The following MPP3 variants were observed in gnomAD, a reference collection of about 807,000 sequenced individuals.
MPP3 encodes MAGUK p55 scaffold protein 3, also known as MAGUK p55 subfamily member 3.
A neutral mutation model predicts 80.7 loss-of-function variants in MPP3; 48 were observed. The observed-to-expected ratio is 0.59, with a 90% CI of 0.47 to 0.76. The LOEUF (loss-of-function observed/expected upper bound fraction) is 0.76. Among genes scored for constraint, MPP3 ranks in the 30% least tolerant of loss-of-function variants. The pLI is 0.00. For synonymous variants in MPP3, 311 were observed against 297.6 expected, an observed-to-expected ratio of 1.04 and a Z score of -0.46; for missense variants, 620 against 763.0, an observed-to-expected ratio of 0.81 and a Z score of 2.21.
intron 19 of MPP3, among the ~76,000 whole-genome samples, chr17:43,804,692 G>T (rs2044543037): frequency 6.6e-6 from 1 of 152,270 alleles, no homozygotes; most frequent in African/African-American, 2.4e-5. Flanking sequence ...AGATACATTG[G>T]ACTTTATCAC....
chr17:43,818,153 A>G (rs1162082422), intron 11 of MPP3, 43 bp from the exon 12 acceptor site: 2 of 1,433,380 alleles, frequency 1.4e-6, no homozygotes, highest in Non-Finnish European at 1.8e-6. Flanking sequence ...GAGCTGGGCC[A>G]GATAACCACT....
In MPP3 at chr17:43,811,164, C is replaced by G; in HGVS notation, c.1297G>C (p.Glu433Gln). The G allele has an allele frequency of 6.2e-7, 1 of 1,614,158 alleles. No homozygotes were observed. The highest frequency in any genetic ancestry group is 8.5e-7 in the Non-Finnish European group (1 of 1,180,004). The change falls in exon 17 of 20, where the codon GAA (glutamate) becomes CAA (glutamine). Residue 433 changes from glutamate (E) to glutamine (Q), a missense_variant. By Grantham distance (29) the Glu-to-Gln change is conservative (BLOSUM62 2). Coordinates refer to ENST00000398389, the MANE Select transcript of MPP3 (RefSeq NM_001932.6). ...GCTTGCTTAGACACAAAGTGATATTCCACTCCTTCCTTCTCATGGCTCTTT... is the reference window on the plus strand; with the variant it reads ...GCTTGCTTAGACACAAAGTGATATTGCACTCCTTCCTTCTCATGGCTCTTT... Reference protein sequence around the residue: ...PRKSHEKEGVEYHFVSKQAFE... With the variant: ...PRKSHEKEGVQYHFVSKQAFE...
intron 19 of MPP3, among the ~76,000 whole-genome samples, chr17:43,806,014 C>A (rs1176253044): frequency 6.6e-6 from 1 of 152,126 alleles, no homozygotes; most frequent in Non-Finnish European, 1.5e-5. Context: ...TAGTCATGAG[C>A]CCACTATTCA....
intron 7 of MPP3, among the ~76,000 whole-genome samples, chr17:43,829,277 C>T (rs1405843267): frequency 6.6e-6 from 1 of 152,204 alleles, no homozygotes; most frequent in Non-Finnish European, 1.5e-5. Context: ...ACTATAAAGG[C>T]AGCCACAGCC....
chr17:43,819,842 TA>T (rs1251052939), intron 11 of MPP3, among the ~76,000 whole-genome samples: 1 of 151,978 alleles, frequency 6.6e-6, no homozygotes, highest in African/African-American at 2.4e-5. Context: ...AACACTCACA[TA>T]AAAAGCACAG....
Position 43,820,883 on chromosome 17 carries a change from G to A in MPP3, c.860C>T (p.Pro287Leu). Residue 287 changes from proline (P) to leucine (L), a missense_variant, in exon 11 of 20, where the codon CCC (proline) becomes CTC (leucine). By Grantham distance (98) the Pro-to-Leu change is moderately conservative. Transcript: ENST00000398389. ...CCACCTCTCCTGGAACCCCTTGGAG[G>A]GGATGAGGCCGGCTCGAAGGTTGGT... ...GDTNLRAGLI[P>L]SKGFQERRLS... 1 of 1,614,198 alleles carries A rather than the reference G, an allele frequency of 6.2e-7. No homozygotes were observed. Among genetic ancestry groups the A allele is most frequent in the South Asian group, 1.1e-5 (1 of 91,086 alleles).
chr17:43,807,311 T>C lies in MPP3; in HGVS notation c.1581+1645A>G, dbSNP rs188891759. On this transcript the variant is annotated intron_variant, in intron 19 of 19. Transcript: ENST00000398389. ...TCTAAAGGAGAAAATTTTTCTTTTTTCTACATTTTTTTTTTTTTGAGACAG... is the reference window on the plus strand; with the variant it reads ...TCTAAAGGAGAAAATTTTTCTTTTTCCTACATTTTTTTTTTTTTGAGACAG... 3.4e-3 allele frequency among the ~76,000 whole-genome samples: 510 copies of C among 150,900 alleles called. 1 individual carries two copies. Among genetic ancestry groups the C allele is most frequent in the Middle Eastern group, 0.014 (4 of 288 alleles).
chr17:43,805,412 T>G (rs79335334), intron 19 of MPP3, among the ~76,000 whole-genome samples: 1 of 152,128 alleles, frequency 6.6e-6, no homozygotes, highest in Non-Finnish European at 1.5e-5. Flanking sequence ...GAGTTAAACA[T>G]AGAACTACCC....
chr17:43,801,513 A>T lies in MPP3; in HGVS notation c.*188T>A, dbSNP rs1363556121. ...GCCCCTTTCAAATCATGATCCAAAG[A>T]GGTGCAGTGAAAAACAACAGACAAA... On this transcript the variant is annotated 3_prime_UTR_variant, in exon 20 of 20. Coordinates refer to ENST00000398389, the MANE Select transcript of MPP3 (RefSeq NM_001932.6). The T allele has an allele frequency of 1.2e-5, 7 of 563,684 alleles. No individual in the cohort carries two copies. In the Admixed American group the frequency reaches 2.5e-4, roughly 20 times the overall value. 34.9% of individuals were successfully genotyped at this position (563,684 alleles called of 1,614,324 possible). A position where few individuals can be genotyped will look rare whatever the true frequency, so the allele number is the denominator to read the frequency against.
chr17:43,807,870 A>G (rs1038848111), intron 19 of MPP3, among the ~76,000 whole-genome samples: 1 of 151,992 alleles, frequency 6.6e-6, no homozygotes, highest in African/African-American at 2.4e-5. Flanking sequence ...TGAGGAAGGA[A>G]GACTGCTTGA....
In MPP3 at chr17:43,818,069, G is replaced by A; in HGVS notation, c.923C>T (p.Pro308Leu). 1 of 1,577,050 alleles carries A rather than the reference G, an allele frequency of 6.3e-7. No individual in the cohort carries two copies. Among genetic ancestry groups the A allele is most frequent in the Non-Finnish European group, 8.6e-7 (1 of 1,160,788 alleles). The change falls in exon 12 of 20, where the codon CCC (proline) becomes CTC (leucine). Residue 308 changes from proline to leucine, a missense_variant. Transcript: ENST00000398389. Reference protein sequence around the residue: ...YRRAAGTLPSPQSLRKPPYDQ... With the variant: ...YRRAAGTLPSLQSLRKPPYDQ... ...ACAGGGGGGCTTCCTGAGGCTCTGG[G>A]GGCTCGGCAGGGTGCCCGCGGCTCT... is the stretch of plus-strand genomic sequence containing the variant.
At chr17:43,809,232 C>A (rs1423491564) in intron 18 of MPP3, among the ~76,000 whole-genome samples, 154 bp from the exon 19 acceptor site, 1 of 152,218 alleles carries the variant, frequency 6.6e-6, no homozygotes, top group African/African-American at 2.4e-5. Context: ...TTCAACTGGG[C>A]AGACCAACTG....
At chr17:43,816,011 A>T in intron 14 of MPP3, 27 bp downstream of exon 14, 4 of 1,481,730 alleles carry the variant, frequency 2.7e-6, no homozygotes, top group African/African-American at 1.4e-5. Flanking sequence ...CAGGTCGTGC[A>T]TGTGGGTGTC....
intron 11 of MPP3, 143 bp from the exon 12 acceptor site, chr17:43,818,253 CACT>C: frequency 1.7e-6 from 1 of 579,488 alleles, no homozygotes; most frequent in East Asian, 3.4e-5. Flanking sequence ...TCCTGCTTAG[CACT>C]AAGTTCCAAC....
At chr17:43,807,813 G>A (rs1174021911) in intron 19 of MPP3, among the ~76,000 whole-genome samples, 1 of 151,590 alleles carries the variant, frequency 6.6e-6, no homozygotes, top group Non-Finnish European at 1.5e-5. Flanking sequence ...TTTTTAATTG[G>A]CTGGGCATTG....
At chr17:43,825,578 C>G in intron 9 of MPP3, 178 bp downstream of exon 9, 1 of 567,462 alleles carries the variant, frequency 1.8e-6, no homozygotes, top group Non-Finnish European at 3.2e-6. Flanking sequence ...AGTTCCCCTC[C>G]TCCTGCTGCC....
At chr17:43,817,557 C>A (rs2045207061) in intron 12 of MPP3, among the ~76,000 whole-genome samples, 1 of 152,188 alleles carries the variant, frequency 6.6e-6, no homozygotes. Flanking sequence ...CATACTTATA[C>A]TAGAAACCAA....
At chr17:43,814,565 G>T in intron 14 of MPP3, 1 of 485,226 alleles carries the variant, frequency 2.1e-6, no homozygotes, top group Non-Finnish European at 3.6e-6. Context: ...ACAAACTAGG[G>T]CTTAAGGTCA....
intron 19 of MPP3, among the ~76,000 whole-genome samples, chr17:43,804,103 C>T (rs2044518645): frequency 6.6e-6 from 1 of 152,182 alleles, no homozygotes; most frequent in East Asian, 1.9e-4. Flanking sequence ...GCCTCTTATT[C>T]TCCCAGTGAC....
Sources: allele counts gnomAD v4.1 joint callset (sites outside exome capture counted in the v4.1 genomes callset), GRCh38; gene constraint gnomAD v4.1.1; transcripts MANE v1.5; gene names NCBI Gene and HGNC (gene_info 2026-07-23, HGNC 2026-07-21).